The following MAX variants were observed in gnomAD, a reference collection of about 807,000 sequenced individuals.
MAX encodes the protein MYC associated transcriptional regulator X.
Under a neutral mutation model 22.3 loss-of-function variants are expected in MAX, and 3 were observed. The observed-to-expected ratio is 0.13, with a 90% CI of 0.06 to 0.35. MAX has a LOEUF of 0.35. Ranked by LOEUF, MAX falls within the 10% of genes least tolerant of loss-of-function variation. The probability of loss-of-function intolerance (pLI) is 1.00; values close to 1 mark genes in which losing one functional copy is unlikely to be tolerated. For missense variants in MAX, 119 were observed against 209.4 expected, an observed-to-expected ratio of 0.57 and a Z score of 2.66; for synonymous variants, 72 against 77.7, an observed-to-expected ratio of 0.93 and a Z score of 0.39.
chr14:65,015,438 A>T, intron 3 of MAX: 1 of 319,624 alleles, frequency 3.1e-6, no homozygotes, highest in Non-Finnish European at 5.6e-6. Flanking sequence ...TTTTTTTAAC[A>T]GATGGTCATT....
chr14:65,068,476 G>A (rs2062954325), intron 3 of MAX, among the ~76,000 whole-genome samples: 1 of 152,220 alleles, frequency 6.6e-6, no homozygotes, highest in Non-Finnish European at 1.5e-5. Context: ...CCATATGTTT[G>A]AAGGCAGAGC....
At chr14:65,022,559 G>T (rs925208657) in intron 3 of MAX, among the ~76,000 whole-genome samples, 9 of 151,840 alleles carry the variant, frequency 5.9e-5, no homozygotes, top group Non-Finnish European at 1.0e-4. Flanking sequence ...TAGAGATAAG[G>T]TCTCGCTGTA....
In MAX at chr14:65,081,145, TC is replaced by T; in HGVS notation, c.172-3110del. 1.3e-5 allele frequency among the ~76,000 whole-genome samples: 2 copies of T among 152,328 alleles called. 1 individual carries two copies. The highest frequency in any genetic ancestry group is 6.8e-3 in the Middle Eastern group (2 of 294). On this transcript the variant is annotated intron_variant, in intron 3 of 4. Coordinates refer to ENST00000358664, the MANE Select transcript of MAX (RefSeq NM_002382.5). ...TCAGAATGCTAAGCACAGCCCTTCC[TC>T]CATCCTCTGCTGAAAGCAGAAGTGC...
At chr14:65,050,555 C>T (rs1303338728) in intron 3 of MAX, among the ~76,000 whole-genome samples, 1 of 152,176 alleles carries the variant, frequency 6.6e-6, no homozygotes, top group Non-Finnish European at 1.5e-5. Flanking sequence ...CACACCACTG[C>T]ACTCCAGCCT....
intron 2 of MAX, among the ~76,000 whole-genome samples, chr14:65,097,652 A>G (rs149649296): frequency 4.5e-4 from 68 of 152,340 alleles, no homozygotes; most frequent in Middle Eastern, 3.4e-3. Context: ...ATTCTTATCA[A>G]GCTATTCTTA....
Position 65,069,965 on chromosome 14 carries a change from T to C in MAX, c.171+23743A>G, listed in dbSNP as rs921194698. Among the ~76,000 whole-genome samples the C allele has an allele frequency of 6.6e-6, 1 of 152,224 alleles. No homozygotes were observed. Among genetic ancestry groups the C allele is most frequent in the African/African-American group, 2.4e-5 (1 of 41,462 alleles). On this transcript the variant is annotated intron_variant, in intron 3 of 3. Transcript: ENST00000341653. The surrounding 1 kb of genome is among the most constrained non-coding windows in gnomAD (Gnocchi z 4.6). Reference sequence around the variant, plus strand: ...CTTTTGGCCCAAAGCTGTTGGCCACTGTCCTTTAGCCCAAGATCTGCCCCT... The same window carrying C: ...CTTTTGGCCCAAAGCTGTTGGCCACCGTCCTTTAGCCCAAGATCTGCCCCT...
Position 65,076,522 on chromosome 14 carries a change from G to C in MAX, c.437C>G (p.Pro146Arg). ...GGSDSSSESE[P>R]EEPQSRKKLR... ...CTTCTTCCTGCTTTGGGGCTCTTCA[G>C]GCTCAGACTCCGAGCTGGAGTCCGA... The change falls in exon 5 of 5, where the codon CCT becomes CGT. Residue 146 changes from proline (P) to arginine (R), a missense_variant. This residue lies in a region of MAX where 95 missense variants were observed against 148.1 expected (regional missense o/e 0.64). Transcript: ENST00000358664. The surrounding 1 kb of genome is among the most constrained non-coding windows in gnomAD (Gnocchi z 6.6). 6.2e-7 allele frequency: 1 copy of C among 1,613,996 alleles called. No individual in the cohort carries two copies. Among genetic ancestry groups the C allele is most frequent in the African/African-American group, 1.3e-5 (1 of 75,002 alleles).
downstream of MAX, among the ~76,000 whole-genome samples, chr14:65,072,210 G>C (rs977516636): frequency 6.6e-6 from 1 of 152,160 alleles, no homozygotes; most frequent in Admixed American, 6.5e-5. Context: ...AAACCTGCCT[G>C]GGGACCAGAG....
At chr14:65,017,139 T>G (rs190655348) in intron 3 of MAX, among the ~76,000 whole-genome samples, 6 of 152,150 alleles carry the variant, frequency 3.9e-5, no homozygotes, top group Admixed American at 3.9e-4. Context: ...ACCAGGCTGG[T>G]CTTGAACTCC....
intron 3 of MAX, among the ~76,000 whole-genome samples, chr14:65,081,278 C>A (rs901138454): frequency 6.6e-6 from 1 of 152,042 alleles, no homozygotes; most frequent in Admixed American, 6.5e-5. Flanking sequence ...TAAGGCCCAA[C>A]AAGAAAAAAA....
At chr14:65,081,415 C>G (rs1334010068) in intron 3 of MAX, among the ~76,000 whole-genome samples, 1 of 152,184 alleles carries the variant, frequency 6.6e-6, no homozygotes, top group Admixed American at 6.5e-5. Flanking sequence ...CTTTCCACTC[C>G]ATACAAGATC....
intron 3 of MAX, among the ~76,000 whole-genome samples, chr14:65,038,761 G>A (rs1178949411): frequency 6.6e-5 from 10 of 152,178 alleles, no homozygotes; most frequent in Non-Finnish European, 1.0e-4. Flanking sequence ...TGCATGGTTC[G>A]TTTCCATCTC....
At chr14:65,040,852 C>T in intron 3 of MAX, 1 of 1,613,924 alleles carries the variant, frequency 6.2e-7, no homozygotes, top group Non-Finnish European at 8.5e-7. Flanking sequence ...GGTGGCTATA[C>T]CTTCTGTGGC....
chr14:65,053,527 C>T (rs1210271824), intron 3 of MAX, among the ~76,000 whole-genome samples: 1 of 151,958 alleles, frequency 6.6e-6, no homozygotes, highest in African/African-American at 2.4e-5. Context: ...GGCCATTGAT[C>T]TTGGCACCTC....
At position 65,076,985 on chromosome 14, in the gene MAX, C is replaced by T. The variant is rs2063076554; in HGVS notation, c.296-322G>A. 2 of 547,876 alleles carry T rather than the reference C, an allele frequency of 3.7e-6. No individual in the cohort carries two copies. Among genetic ancestry groups the T allele is most frequent in the East Asian group, 3.2e-5 (1 of 31,136 alleles). 33.9% of individuals were successfully genotyped at this position (547,876 alleles called of 1,614,324 possible). A position where few individuals can be genotyped will look rare whatever the true frequency, so the allele number is the denominator to read the frequency against. On this transcript the variant is annotated intron_variant, in intron 4 of 4. Coordinates refer to ENST00000358664, the MANE Select transcript of MAX (RefSeq NM_002382.5). This position sits in a 1 kb window ranked among gnomAD's most constrained non-coding sequence, Gnocchi z 6.6. ...GAGCTCCCTGTGGGATTCAGCAGTG[C>T]AATAACAGAGGAGAAGCTGGCCCAG...
chr14:65,012,062 T>C lies in MAX; in HGVS notation c.172-5778A>G, dbSNP rs1308800153. ...GGCTTTTCCGTTAGCCCAAAGTCACTGCCTTTAGGAGACAATCGCACTCTA... is the reference window on the plus strand; with the variant it reads ...GGCTTTTCCGTTAGCCCAAAGTCACCGCCTTTAGGAGACAATCGCACTCTA... On this transcript the variant is annotated intron_variant, in intron 3 of 3. Transcript: ENST00000341653. This position sits in a 1 kb window ranked among gnomAD's most constrained non-coding sequence, Gnocchi z 5.0. The C allele has an allele frequency of 2.4e-6, 1 of 415,440 alleles. No individual in the cohort carries two copies. 25.7% of individuals were successfully genotyped at this position (415,440 alleles called of 1,614,324 possible).
chr14:65,055,744 T>C (rs1458778810), intron 3 of MAX, among the ~76,000 whole-genome samples: 1 of 152,124 alleles, frequency 6.6e-6, no homozygotes, highest in Non-Finnish European at 1.5e-5. Context: ...CTCAAACTCC[T>C]GGCCTCAAGT....
intron 3 of MAX, among the ~76,000 whole-genome samples, chr14:65,055,846 T>C (rs2062724451): frequency 6.6e-6 from 1 of 152,142 alleles, no homozygotes; most frequent in East Asian, 1.9e-4. Flanking sequence ...TTGGGAAACA[T>C]TTCAAATGGA....
At position 65,084,230 on chromosome 14, in the gene MAX, T is replaced by G; in HGVS notation, c.172-6194A>C. 6.2e-7 allele frequency: 1 copy of G among 1,614,074 alleles called. No individual in the cohort carries two copies. ...TGCACTTGGTAGCTTGAAATGAAGGTGTGGCATTTCTGCATCAAACTTTGA... is the reference window on the plus strand; with the variant it reads ...TGCACTTGGTAGCTTGAAATGAAGGGGTGGCATTTCTGCATCAAACTTTGA... On this transcript the variant is annotated intron_variant, in intron 3 of 4. Coordinates refer to ENST00000358664, the MANE Select transcript of MAX (RefSeq NM_002382.5). This position sits in a 1 kb window ranked among gnomAD's most constrained non-coding sequence, Gnocchi z 4.3.
Sources: allele counts gnomAD v4.1 joint callset (sites outside exome capture counted in the v4.1 genomes callset), GRCh38; gene constraint gnomAD v4.1.1; regional missense constraint gnomAD v4.1.1; non-coding constraint Gnocchi (gnomAD v3.1); transcripts MANE v1.5; gene names NCBI Gene and HGNC (gene_info 2026-07-23, HGNC 2026-07-21).